Variants in RFTN2 observed in about 807,000 individuals in gnomAD.
RFTN2 encodes raftlin-2.
RFTN2 carries 34 observed loss-of-function variants against 52.7 expected under a neutral mutation model. That is an observed-to-expected ratio of 0.64 (90% confidence interval 0.49 to 0.86). The LOEUF is 0.86. RFTN2 is among the 40% of genes least tolerant of loss of function. RFTN2 has a pLI of 0.00. For missense variants in RFTN2, 536 were observed against 600.1 expected (o/e 0.89, Z 1.12); for synonymous variants, 203 against 217.7 (o/e 0.93, Z 0.59).
chr2:197,623,827 G>A (rs2106221788), intron 5 of RFTN2, among the ~76,000 whole-genome samples: 1 of 152,212 alleles, frequency 6.6e-6, no homozygotes, highest in South Asian at 2.1e-4. Flanking sequence ...ACTACGTCTG[G>A]CTAATTTTGT....
intron 3 of RFTN2, among the ~76,000 whole-genome samples, chr2:197,643,799 TA>T (rs1223713486): frequency 1.3e-5 from 2 of 152,212 alleles, no homozygotes; most frequent in Non-Finnish European, 2.9e-5. Context: ...TTTTTTATAT[TA>T]AAAAATTACC....
In RFTN2 at chr2:197,596,073, C is replaced by A. The variant is rs1559343201; in HGVS notation, c.1155-4G>T. 1.3e-6 allele frequency: 2 copies of A among 1,572,240 alleles called. No individual in the cohort carries two copies. The highest frequency in any genetic ancestry group is 1.7e-6 in the Non-Finnish European group (2 of 1,142,882). On this transcript the variant is annotated splice_polypyrimidine_tract_variant and splice_region_variant and intron_variant, in intron 7 of 8. Transcript: ENST00000295049. ...CTTTGTAGCCAAATTCCCTTCACTGCAAATTAAAACAATAGTATTAGTATT... is the reference window on the plus strand; with the variant it reads ...CTTTGTAGCCAAATTCCCTTCACTGAAAATTAAAACAATAGTATTAGTATT...
rs764218195 is a variant in RFTN2, at chr2:197,646,507, A to G, written c.299T>C (p.Val100Ala). ...KHLPASYLYR[V>A]VLLRLKLSPK... ...CCTTAATTTCAAGCGCAATAGCACC[A>G]CTCTGTATAGGTAACTTGCAGGTAG... Residue 100 changes from valine to alanine, a missense_variant, in exon 2 of 9, where the codon GTG becomes GCG. By Grantham distance (64) the Val-to-Ala change is moderately conservative (BLOSUM62 0). Transcript: ENST00000295049. The G allele has an allele frequency of 6.2e-7, 1 of 1,613,900 alleles. No homozygotes were observed. The highest frequency in any genetic ancestry group is 1.1e-5 in the South Asian group (1 of 91,058).
At chr2:197,585,829 A>T (rs2106173895) in intron 8 of RFTN2, among the ~76,000 whole-genome samples, 1 of 152,318 alleles carries the variant, frequency 6.6e-6, no homozygotes, top group South Asian at 2.1e-4. Context: ...GACATGTGAC[A>T]TCAGCAAGCT....
chr2:197,583,404 T>C (rs1374727381), intron 8 of RFTN2, among the ~76,000 whole-genome samples: 4 of 152,204 alleles, frequency 2.6e-5, no homozygotes, highest in Non-Finnish European at 2.9e-5. Context: ...CTGTCAGATG[T>C]AATTCCTCAG....
At position 197,569,154 on chromosome 2, in the gene RFTN2, G is replaced by A. The variant is rs142604632; in HGVS notation, c.*2854C>T. Reference sequence around the variant, plus strand: ...GGAATTAACACTTGGTATTGAAAACGAAGATGAAAATGCCATAGATACTAC... The same window carrying A: ...GGAATTAACACTTGGTATTGAAAACAAAGATGAAAATGCCATAGATACTAC... On this transcript the variant is annotated 3_prime_UTR_variant, in exon 9 of 9. Transcript: ENST00000295049. 1 of 152,168 alleles carries A rather than the reference G, an allele frequency of 6.6e-6. No individual in the cohort carries two copies. The highest frequency in any genetic ancestry group is 1.5e-5 in the Non-Finnish European group (1 of 68,030). The allele number at this position is 152,168 out of a possible 1,614,324, so 9.4% of individuals were successfully genotyped here. A position where few individuals can be genotyped will look rare whatever the true frequency, so the allele number is the denominator to read the frequency against.
At chr2:197,593,140 A>G (rs1026579319) in intron 8 of RFTN2, among the ~76,000 whole-genome samples, 1 of 152,188 alleles carries the variant, frequency 6.6e-6, no homozygotes, top group Non-Finnish European at 1.5e-5. Flanking sequence ...AACCAACTAT[A>G]TATACTTCCC....
intron 7 of RFTN2, among the ~76,000 whole-genome samples, chr2:197,604,023 A>G (rs1243739044): frequency 6.6e-6 from 1 of 152,206 alleles, no homozygotes; most frequent in Admixed American, 6.5e-5. Context: ...GCCAATAAAC[A>G]TATGTAAATG....
chr2:197,612,764 C>A (rs899027764), intron 7 of RFTN2, among the ~76,000 whole-genome samples: 1 of 152,166 alleles, frequency 6.6e-6, no homozygotes, highest in African/African-American at 2.4e-5. Context: ...GAAGCAACAA[C>A]TTTAACCTAG....
intron 5 of RFTN2, among the ~76,000 whole-genome samples, chr2:197,626,125 C>T (rs965161140): frequency 2.6e-5 from 4 of 152,064 alleles, no homozygotes; most frequent in Admixed American, 2.6e-4. Context: ...GATTATGACT[C>T]CCTGTTTAAA....
intron 3 of RFTN2, 145 bp downstream of exon 3, chr2:197,644,013 G>T (rs985630619): frequency 1.3e-5 from 8 of 619,962 alleles, no homozygotes; most frequent in South Asian, 1.9e-5. Context: ...TTACCATTTG[G>T]CACAAGTACT....
intron 3 of RFTN2, among the ~76,000 whole-genome samples, chr2:197,640,412 G>C (rs1462514614): frequency 1.3e-5 from 2 of 152,272 alleles, no homozygotes; most frequent in Non-Finnish European, 2.9e-5. Flanking sequence ...GACCCTCCGA[G>C]CCAGGTGCCG....
At chr2:197,630,327 C>T (rs1292269367) in intron 5 of RFTN2, among the ~76,000 whole-genome samples, 4 of 152,172 alleles carry the variant, frequency 2.6e-5, no homozygotes, top group Non-Finnish European at 5.9e-5. Flanking sequence ...TCCTAAACTT[C>T]ACCTTTCCTA....
chr2:197,634,986 G>C (rs1412569595), intron 3 of RFTN2, among the ~76,000 whole-genome samples: 1 of 110,412 alleles, frequency 9.1e-6, no homozygotes, highest in Admixed American at 8.9e-5. Context: ...AATATGCGGT[G>C]TTTCGTTTTT....
chr2:197,655,942 A>G (rs2088889536), intron 1 of RFTN2, among the ~76,000 whole-genome samples: 1 of 152,180 alleles, frequency 6.6e-6, no homozygotes, highest in Non-Finnish European at 1.5e-5. Context: ...AAACTGTAGC[A>G]CCCAGCACAG....
intron 5 of RFTN2, among the ~76,000 whole-genome samples, chr2:197,630,413 A>G (rs150357433): frequency 2.0e-3 from 304 of 152,234 alleles, no homozygotes; most frequent in Non-Finnish European, 3.8e-3. Context: ...ACTTCCTAGA[A>G]AGTCATTTTT....
chr2:197,651,893 A>T (rs2088832229), intron 1 of RFTN2, among the ~76,000 whole-genome samples: 1 of 152,226 alleles, frequency 6.6e-6, no homozygotes, highest in Non-Finnish European at 1.5e-5. Context: ...AAAACCTAAA[A>T]AGCAATGATG....
At chr2:197,587,523 A>AC (rs1228361795) in intron 8 of RFTN2, among the ~76,000 whole-genome samples, 12 of 150,114 alleles carry the variant, frequency 8.0e-5, no homozygotes, top group South Asian at 2.1e-4. Flanking sequence ...GCACCTTGTG[A>AC]CCCCCCACCC....
intron 7 of RFTN2, among the ~76,000 whole-genome samples, chr2:197,598,752 C>A (rs971112822): frequency 2.0e-5 from 3 of 152,164 alleles, no homozygotes; most frequent in African/African-American, 4.8e-5. Flanking sequence ...AATTTGGGAA[C>A]CATCACCAGA....
Sources: gnomAD v4.1 joint callset for allele counts (sites outside exome capture counted in the v4.1 genomes callset) on GRCh38, gnomAD v4.1.1 for gene constraint, MANE v1.5 for transcripts, NCBI Gene and HGNC (gene_info 2026-07-23, HGNC 2026-07-21) for gene names.